Variants in CA6 observed in about 807,000 individuals in gnomAD.
The protein encoded by CA6 is carbonic anhydrase 6.
In CA6, 28 loss-of-function variants were observed where a neutral mutation model predicts 35.9. That is an observed-to-expected ratio of 0.78 (90% CI 0.58 to 1.07). The LOEUF (loss-of-function observed/expected upper bound fraction) is 1.07. Among genes scored for constraint, CA6 ranks in the 50% least tolerant of loss-of-function variants. The pLI is 0.00. For missense variants in CA6, 377 were observed against 382.0 expected (o/e 0.99, Z 0.11); for synonymous variants, 148 against 152.6 (o/e 0.97, Z 0.22).
chr1:8,950,368 C>A (rs955599744), intron 2 of CA6, among the ~76,000 whole-genome samples: 1 of 152,086 alleles, frequency 6.6e-6, no homozygotes, highest in Non-Finnish European at 1.5e-5. Context: ...GCCTCATGAC[C>A]ACCCCAGGAG....
At chr1:8,965,012 G>A (rs765081113) in intron 5 of CA6, among the ~76,000 whole-genome samples, 9 of 152,120 alleles carry the variant, frequency 5.9e-5, no homozygotes, top group Non-Finnish European at 8.8e-5. Flanking sequence ...GGGAGGCGGA[G>A]GCGGGCTGAT....
chr1:8,964,371 C>T (rs1639918806), intron 5 of CA6, among the ~76,000 whole-genome samples: 1 of 152,220 alleles, frequency 6.6e-6, no homozygotes, highest in African/African-American at 2.4e-5. Context: ...CCTCAGCCCC[C>T]TGAGTAGTTG....
intron 4 of CA6, among the ~76,000 whole-genome samples, chr1:8,960,785 C>CATATAT (rs1251525876): frequency 1.4e-4 from 14 of 98,158 alleles, no homozygotes; most frequent in Non-Finnish European, 2.3e-4. Context: ...CACACACACA[C>CATATAT]ACACATATAT....
intron 4 of CA6, among the ~76,000 whole-genome samples, chr1:8,961,171 C>T (rs970015114): frequency 1.3e-5 from 2 of 152,094 alleles, no homozygotes; most frequent in Admixed American, 6.5e-5. Context: ...AATTGCTAGC[C>T]GGTCTATCTT....
intron 2 of CA6, among the ~76,000 whole-genome samples, chr1:8,953,795 A>G (rs958222844): frequency 1.3e-5 from 2 of 152,134 alleles, no homozygotes; most frequent in Non-Finnish European, 2.9e-5. Flanking sequence ...TAAGGTTGAG[A>G]CCTACTGGAC....
intron 4 of CA6, among the ~76,000 whole-genome samples, chr1:8,962,065 C>G (rs1429254090): frequency 1.3e-5 from 2 of 152,042 alleles, no homozygotes; most frequent in African/African-American, 4.8e-5. Context: ...CATGGTGAAA[C>G]CCCATCTCTA....
Position 8,949,276 on chromosome 1 carries a change from C to G in CA6, c.93C>G (p.Asp31Glu). ...SDWTYSEGAL[D>E]EAHWPQHYPA... ...TTCCTGTCTTAGAAGGGGCACTGGA[C>G]GAAGCGCACTGGCCACAGCACTACC... Residue 31 changes from aspartate (D) to glutamate (E), a missense_variant, in exon 2 of 8, where the codon GAC (aspartate) becomes GAG (glutamate). Physicochemically the swap from Asp to Glu is conservative, Grantham distance 45. Transcript: ENST00000377443. 6.2e-7 allele frequency: 1 copy of G among 1,602,458 alleles called. No individual in the cohort carries two copies. Among genetic ancestry groups the G allele is most frequent in the Non-Finnish European group, 8.5e-7 (1 of 1,175,108 alleles).
At chr1:8,967,946 T>G in intron 6 of CA6, 130 bp downstream of exon 6, 4 of 596,522 alleles carry the variant, frequency 6.7e-6, no homozygotes, top group Non-Finnish European at 1.1e-5. Context: ...AGGGCTACTG[T>G]GCCTCGTCTA....
chr1:8,956,329 A>G (rs1639682244), intron 2 of CA6, among the ~76,000 whole-genome samples: 1 of 152,120 alleles, frequency 6.6e-6, no homozygotes, highest in Admixed American at 6.6e-5. Context: ...TTAGTAACTG[A>G]GCCCGTTTTT....
intron 2 of CA6, chr1:8,951,476 G>T: frequency 1.3e-6 from 1 of 765,078 alleles, no homozygotes; most frequent in South Asian, 1.3e-5. Context: ...TGGAGAAGGG[G>T]CGAAGCACAA....
At chr1:8,948,127 C>T (rs1639417889) in intron 1 of CA6, among the ~76,000 whole-genome samples, 3 of 152,170 alleles carry the variant, frequency 2.0e-5, no homozygotes, top group Non-Finnish European at 4.4e-5. Flanking sequence ...GGATTACAGG[C>T]ATGAGCCACC....
rs370076319 is a variant in CA6, at chr1:8,966,362, G to A, written c.572-1297G>A. On this transcript the variant is annotated intron_variant, in intron 5 of 7. Coordinates refer to ENST00000377443, the MANE Select transcript of CA6 (RefSeq NM_001215.4). ...TGACCTCAGGTGATCCACCCGCCTCGGCCTCCCAAAGTGCTGGGATTACAG... is the reference window on the plus strand; with the variant it reads ...TGACCTCAGGTGATCCACCCGCCTCAGCCTCCCAAAGTGCTGGGATTACAG... Among the ~76,000 whole-genome samples, 20 of 152,034 alleles carry A rather than the reference G, an allele frequency of 1.3e-4. No homozygotes were observed. In the East Asian group the frequency reaches 2.7e-3, roughly 21 times the overall value.
At chr1:8,965,358 T>C (rs1352277936) in intron 5 of CA6, among the ~76,000 whole-genome samples, 3 of 152,122 alleles carry the variant, frequency 2.0e-5, no homozygotes, top group Non-Finnish European at 4.4e-5. Context: ...TTGCCGGAAC[T>C]TTTTTTCGTC....
intron 1 of CA6, among the ~76,000 whole-genome samples, chr1:8,948,102 C>T (rs1639417069): frequency 6.6e-6 from 1 of 152,092 alleles, no homozygotes; most frequent in African/African-American, 2.4e-5. Context: ...CCCGCCTCGG[C>T]CTCCCAAAGT....
At chr1:8,970,507 T>C (rs894954044) in intron 6 of CA6, among the ~76,000 whole-genome samples, 1 of 151,936 alleles carries the variant, frequency 6.6e-6, no homozygotes. Flanking sequence ...GTTAATTCTT[T>C]TTTATTTTTT....
chr1:8,951,323 T>C (rs988031724), intron 2 of CA6: 1 of 622,656 alleles, frequency 1.6e-6, no homozygotes, highest in Non-Finnish European at 2.9e-6. Flanking sequence ...CTCAGGTTTA[T>C]GTGGCCAGGA....
Position 8,957,228 on chromosome 1 carries a change from G to A in CA6, c.351G>A (p.Ala117=), listed in dbSNP as rs201872953. 143 of 1,614,044 alleles carry A rather than the reference G, an allele frequency of 8.9e-5. No individual in the cohort carries two copies. The South Asian group carries it at 1.2e-3, about 13-fold the overall frequency. ...AQQMHFHWGG[A]SSEISGSEHT... ...AGATGCACTTTCACTGGGGAGGTGCGTCCTCGGAGATCAGCGGCTCTGAGC... is the reference window on the plus strand; with the variant it reads ...AGATGCACTTTCACTGGGGAGGTGCATCCTCGGAGATCAGCGGCTCTGAGC... Residue 117 remains alanine (A), a synonymous_variant, in exon 3 of 8, where the codon GCG becomes GCA. Transcript: ENST00000377443.
intron 4 of CA6, among the ~76,000 whole-genome samples, chr1:8,960,830 A>G (rs1461427665): frequency 6.7e-6 from 1 of 149,920 alleles, no homozygotes; most frequent in Non-Finnish European, 1.5e-5. Context: ...GAGAGAGAGA[A>G]AGTGGAAGAA....
chr1:8,957,305 G>A lies in CA6; in HGVS notation c.408+20G>A, dbSNP rs372090853. 2.5e-6 allele frequency: 4 copies of A among 1,596,786 alleles called. No homozygotes were observed. In the African/African-American group the frequency reaches 5.4e-5, roughly 21 times the overall value. ...ATCGAGGTACCTGAGGACCCCCACT[G>A]TGTCCTCTTTCCTTTGAACCCCATA... On this transcript the variant is annotated intron_variant, in intron 3 of 7. Transcript: ENST00000377443.
Sources: gnomAD v4.1 joint callset for allele counts (sites outside exome capture counted in the v4.1 genomes callset) on GRCh38, gnomAD v4.1.1 for gene constraint, MANE v1.5 for transcripts, NCBI Gene and HGNC (gene_info 2026-07-23, HGNC 2026-07-21) for gene names.